Variants in RAB40B observed in about 807,000 individuals in gnomAD.
The protein encoded by RAB40B is RAB40B, member RAS oncogene family.
Under a neutral mutation model 24.0 loss-of-function variants are expected in RAB40B, and 21 were observed. That is an observed-to-expected ratio of 0.88 (90% confidence interval 0.62 to 1.26). The LOEUF is 1.26. Among genes scored for constraint, RAB40B ranks in the 50% most tolerant of loss-of-function variants. The probability of loss-of-function intolerance (pLI) is 0.00; values close to 1 mark genes in which losing one functional copy is unlikely to be tolerated. For missense variants in RAB40B, 348 were observed against 390.5 expected, an observed-to-expected ratio of 0.89 and a Z score of 0.92; for synonymous variants, 167 against 169.8, an observed-to-expected ratio of 0.98 and a Z score of 0.13.
At position 82,675,976 on chromosome 17, in the gene RAB40B, T is replaced by C. The variant is rs1482469351; in HGVS notation, c.143-11420A>G. Among the ~76,000 whole-genome samples the C allele has an allele frequency of 1.3e-5, 2 of 152,104 alleles. No individual in the cohort carries two copies. The highest frequency in any genetic ancestry group is 4.8e-5 in the African/African-American group (2 of 41,392). ...GCCCCTGGTACTCTGAGTCTCCTGG[T>C]ACGGGACGGTGAGGACCCCACAGGG... On this transcript the variant is annotated intron_variant, in intron 1 of 5. Transcript: ENST00000571995. The surrounding 1 kb of genome is among the most constrained non-coding windows in gnomAD (Gnocchi z 4.5).
chr17:82,661,830 T>C (rs572592466), intron 2 of RAB40B: 1 of 794,586 alleles, frequency 1.3e-6, no homozygotes, highest in Non-Finnish European at 1.5e-6. Context: ...GAGGTTGCAG[T>C]GAGCTGATAT....
rs777025532 is a variant in RAB40B, at chr17:82,657,922, C to T, written c.778G>A (p.Val260Ile). 7.4e-6 allele frequency: 12 copies of T among 1,613,594 alleles called. No individual in the cohort carries two copies. Among genetic ancestry groups the T allele is most frequent in the East Asian group, 2.2e-5 (1 of 44,838 alleles). ...TTGGGGGGGCTCTGGGGGGGGCGGACGAGCTTCACTTTGCGGAGGCTGCTC... is the reference window on the plus strand; with the variant it reads ...TTGGGGGGGCTCTGGGGGGGGCGGATGAGCTTCACTTTGCGGAGGCTGCTC... ...KRSSLRKVKL[V>I]RPPQSPPKNC... The change falls in exon 6 of 6, where the codon GTC (valine) becomes ATC (isoleucine). Residue 260 changes from valine to isoleucine, a missense_variant. By Grantham distance (29) the Val-to-Ile change is conservative. This residue lies in a region of RAB40B where 121 missense variants were observed against 124.0 expected (regional missense o/e 0.98). Coordinates refer to ENST00000571995, the MANE Select transcript of RAB40B (RefSeq NM_006822.3).
rs35848277 is a variant in RAB40B, at chr17:82,678,879, G to GTTTTTTTT, written c.143-14331_143-14324dup. On this transcript the variant is annotated intron_variant, in intron 1 of 5. Transcript: ENST00000571995. ...TTTGTGAAAGCAGCTCCCTTTCTGC[G>GTTTTTTTT]TTTTTTTTTTTTTTTTTTTTTGAGA... Among the ~76,000 whole-genome samples, 5 of 99,164 alleles carry GTTTTTTTT rather than the reference G, an allele frequency of 5.0e-5. 1 individual carries two copies. Among genetic ancestry groups the GTTTTTTTT allele is most frequent in the Non-Finnish European group, 5.6e-5 (3 of 53,412 alleles). 65.1% of individuals were successfully genotyped at this position (99,164 alleles called of 152,430 possible).
intron 2 of RAB40B, 152 bp from the exon 3 acceptor site, chr17:82,661,199 G>A (rs778912611): frequency 7.5e-5 from 107 of 1,436,042 alleles, no homozygotes; most frequent in Admixed American, 2.5e-4. Context: ...ACTTTCCAAT[G>A]TCCCTGAAGG....
rs2046097715 is a variant in RAB40B, at chr17:82,657,536, C to T, written c.*327G>A. The T allele has an allele frequency of 9.6e-6, 4 of 417,430 alleles. No homozygotes were observed. Among genetic ancestry groups the T allele is most frequent in the Middle Eastern group, 3.6e-4 (1 of 2,810 alleles). 25.9% of individuals were successfully genotyped at this position (417,430 alleles called of 1,614,324 possible). On this transcript the variant is annotated 3_prime_UTR_variant, in exon 6 of 6. Coordinates refer to ENST00000571995, the MANE Select transcript of RAB40B (RefSeq NM_006822.3). ...ATTTATACTAATCACTCCAATATCA[C>T]CGTTCTTACAAAAGCAGTTATTTTA...
Position 82,655,960 on chromosome 17 carries a change from T to C in RAB40B, c.*1903A>G, listed in dbSNP as rs2046083849. The C allele has an allele frequency of 6.6e-6, 1 of 151,424 alleles. No individual in the cohort carries two copies. The highest frequency in any genetic ancestry group is 1.5e-5 in the Non-Finnish European group (1 of 67,852). 9.4% of individuals were successfully genotyped at this position (151,424 alleles called of 1,614,324 possible). A position where few individuals can be genotyped will look rare whatever the true frequency, so the allele number is the denominator to read the frequency against. ...GGGTCCCTTAAATTTCTTTTTTTTT[T>C]TTTTTTTTAGATGGAGTTTCACTTG... On this transcript the variant is annotated 3_prime_UTR_variant, in exon 6 of 6. Coordinates refer to ENST00000571995, the MANE Select transcript of RAB40B (RefSeq NM_006822.3).
At position 82,685,960 on chromosome 17, in the gene RAB40B, C is replaced by T. The variant is rs562574118; in HGVS notation, c.142+12495G>A. On this transcript the variant is annotated intron_variant, in intron 1 of 5. Transcript: ENST00000571995. ...CTGGGATTACAGGTGCCCGCCACCA[C>T]ACCCAGCTAATTTTTGTATTTTTAG... is the stretch of plus-strand genomic sequence containing the variant. Among the ~76,000 whole-genome samples the T allele has an allele frequency of 2.6e-5, 4 of 152,196 alleles. No individual in the cohort carries two copies. The East Asian group carries it at 7.7e-4, about 29-fold the overall frequency.
chr17:82,682,869 G>A (rs4258659), intron 1 of RAB40B, among the ~76,000 whole-genome samples: 4,320 of 152,288 alleles, frequency 0.028, 113 homozygotes, highest in East Asian at 0.13. Context: ...ACCCGGCCGG[G>A]CACGGTGACT....
chr17:82,695,433 G>A (rs886088428), intron 1 of RAB40B, among the ~76,000 whole-genome samples: 7 of 150,970 alleles, frequency 4.6e-5, no homozygotes, highest in Non-Finnish European at 8.8e-5. Context: ...CTCATGACCC[G>A]CCCACCTTGG....
At position 82,656,995 on chromosome 17, in the gene RAB40B, CAA is replaced by C. The variant is rs1191216825; in HGVS notation, c.*866_*867del. 1 of 152,310 alleles carries C rather than the reference CAA, an allele frequency of 6.6e-6. No individual in the cohort carries two copies. Among genetic ancestry groups the C allele is most frequent in the African/African-American group, 2.4e-5 (1 of 41,416 alleles). The allele number at this position is 152,310 out of a possible 1,614,324, so 9.4% of individuals were successfully genotyped here. On this transcript the variant is annotated 3_prime_UTR_variant, in exon 6 of 6. Coordinates refer to ENST00000571995, the MANE Select transcript of RAB40B (RefSeq NM_006822.3). ...TGCCATTGTACTCCACCCTGGGCAA[CAA>C]GAGCGAAACTCTGTCTCAAAAATAA...
intron 1 of RAB40B, among the ~76,000 whole-genome samples, chr17:82,665,292 G>A (rs957785617): frequency 2.7e-5 from 4 of 148,914 alleles, no homozygotes; most frequent in Admixed American, 6.7e-5. Flanking sequence ...TCTCTCTGTC[G>A]CCCTGGCTGG....
At chr17:82,660,079 C>G (rs1417217487) in intron 3 of RAB40B, among the ~76,000 whole-genome samples, 2 of 147,940 alleles carry the variant, frequency 1.4e-5, no homozygotes. Flanking sequence ...GTTGCATACA[C>G]ACACGCAGGC....
chr17:82,683,308 C>T (rs73359110), intron 1 of RAB40B, among the ~76,000 whole-genome samples: 13,999 of 152,104 alleles, frequency 0.092, 1,257 homozygotes, highest in African/African-American at 0.24. Flanking sequence ...AAGAAAAAAA[C>T]TGATCAACTG....
chr17:82,664,092 G>A (rs1173769552), intron 2 of RAB40B, among the ~76,000 whole-genome samples: 3 of 137,140 alleles, frequency 2.2e-5, no homozygotes, highest in African/African-American at 2.8e-5. Flanking sequence ...TCCCCGGGGT[G>A]CTGTGCCGAT....
intron 1 of RAB40B, among the ~76,000 whole-genome samples, chr17:82,690,180 C>T (rs911639506): frequency 4.6e-5 from 7 of 152,058 alleles, no homozygotes; most frequent in Non-Finnish European, 1.0e-4. Context: ...TCAGAGGGAG[C>T]ATGGAGTGTG....
Position 82,657,690 on chromosome 17 carries a change from A to T in RAB40B, c.*173T>A. On this transcript the variant is annotated 3_prime_UTR_variant, in exon 6 of 6. Coordinates refer to ENST00000571995, the MANE Select transcript of RAB40B (RefSeq NM_006822.3). The stretch of plus-strand genomic sequence containing the variant: ...ACAAGAGCTTCATGCACATCCACGT[A>T]GAAATTCGAAGTCCGACGGGGTAGT... The T allele has an allele frequency of 1.2e-6, 1 of 810,550 alleles. No individual in the cohort carries two copies. 50.2% of individuals were successfully genotyped at this position (810,550 alleles called of 1,614,324 possible). A position where few individuals can be genotyped will look rare whatever the true frequency, so the allele number is the denominator to read the frequency against.
intron 2 of RAB40B, chr17:82,661,833 G>A: frequency 1.2e-6 from 1 of 813,364 alleles, no homozygotes; most frequent in Non-Finnish European, 1.5e-6. Flanking sequence ...GTTGCAGTGA[G>A]CTGATATCGT....
chr17:82,686,438 T>C (rs534360330), intron 1 of RAB40B, among the ~76,000 whole-genome samples: 1 of 152,292 alleles, frequency 6.6e-6, no homozygotes, highest in South Asian at 2.1e-4. Flanking sequence ...GTAATCAAGT[T>C]AAGATGAGGT....
rs2046116911 is a variant in RAB40B, at chr17:82,658,553, G to GT, written c.502dup (p.Thr168AsnfsTer196). ...CAGCAGCACGATCCTGGCCAGCTCC[G>GT]TGAACGACTCTGTGATGTTGAAATT... On this transcript the variant is annotated frameshift_variant, in exon 5 of 6. Transcript: ENST00000571995. LOFTEE classifies it high-confidence loss of function. 6.2e-7 allele frequency: 1 copy of GT among 1,613,648 alleles called. No individual in the cohort carries two copies. The highest frequency in any genetic ancestry group is 8.5e-7 in the Non-Finnish European group (1 of 1,179,988).
Sources: allele counts gnomAD v4.1 joint callset (sites outside exome capture counted in the v4.1 genomes callset), GRCh38; gene constraint gnomAD v4.1.1; regional missense constraint gnomAD v4.1.1; non-coding constraint Gnocchi (gnomAD v3.1); transcripts MANE v1.5; gene names NCBI Gene and HGNC (gene_info 2026-07-23, HGNC 2026-07-21).